Variants in DLEC1 observed in about 807,000 individuals in gnomAD.
The protein encoded by DLEC1 is deleted in lung and esophageal cancer protein 1.
A neutral mutation model predicts 198.1 loss-of-function variants in DLEC1; 146 were observed. That is an observed-to-expected ratio of 0.74 (90% CI 0.64 to 0.85). The LOEUF (loss-of-function observed/expected upper bound fraction) is 0.85. Ranked by LOEUF, DLEC1 falls within the 40% of genes least tolerant of loss-of-function variation. The pLI, the probability that DLEC1 is intolerant of heterozygous loss-of-function variation, is 0.00. For missense variants in DLEC1, 2,233 were observed against 2,220.0 expected, an observed-to-expected ratio of 1.01 and a Z score of -0.12; for synonymous variants, 897 against 866.8, an observed-to-expected ratio of 1.03 and a Z score of -0.61.
intron 2 of DLEC1, among the ~76,000 whole-genome samples, chr3:38,053,387 T>C (rs1701233476): frequency 7.2e-6 from 1 of 139,006 alleles, no homozygotes; most frequent in African/African-American, 2.8e-5. Context: ...ATGTGGGGAG[T>C]GCCTCTGCCC....
intron 2 of DLEC1, among the ~76,000 whole-genome samples, chr3:38,059,257 C>T (rs1048322279): frequency 6.6e-5 from 10 of 152,206 alleles, no homozygotes; most frequent in African/African-American, 2.4e-4. Flanking sequence ...GACAGGGAAG[C>T]TCTTGTCACA....
chr3:38,055,759 G>T (rs571507554), intron 2 of DLEC1, among the ~76,000 whole-genome samples: 1 of 152,164 alleles, frequency 6.6e-6, no homozygotes, highest in Admixed American at 6.5e-5. Flanking sequence ...GGTGACCCTG[G>T]TTATCTGGGT....
At chr3:38,052,175 C>A in intron 2 of DLEC1, 1 of 429,586 alleles carries the variant, frequency 2.3e-6, no homozygotes, top group South Asian at 2.2e-5. Context: ...AGCAGTAGGT[C>A]CTTCTTCTCA....
Position 38,120,500 on chromosome 3 carries a change from C to A in DLEC1, c.4757C>A (p.Pro1586Gln), listed in dbSNP as rs1700391766. 1.2e-6 allele frequency: 2 copies of A among 1,614,118 alleles called. No homozygotes were observed. The highest frequency in any genetic ancestry group is 2.7e-5 in the African/African-American group (2 of 74,954). ...SLELLSYQKL[P>Q]ADQTLPGVDI... is the part of the protein sequence containing the mutation. Reference sequence around the variant, plus strand: ...GAGCTGCTCTCCTATCAGAAGCTCCCAGCTGACCAGACACTGCCTGGGGTG... The same window carrying A: ...GAGCTGCTCTCCTATCAGAAGCTCCAAGCTGACCAGACACTGCCTGGGGTG... Residue 1586 changes from proline (P) to glutamine (Q), a missense_variant, in exon 34 of 37, where the codon CCA (proline) becomes CAA (glutamine). Coordinates refer to ENST00000308059, the MANE Select transcript of DLEC1 (RefSeq NM_007335.4).
intron 6 of DLEC1, among the ~76,000 whole-genome samples, chr3:38,074,203 G>A (rs147117339): frequency 2.6e-4 from 40 of 152,378 alleles, no homozygotes; most frequent in African/African-American, 8.2e-4. Flanking sequence ...TATGCTGGAG[G>A]TGTGGCTGAG....
chr3:38,054,355 G>C (rs774094793), intron 2 of DLEC1, among the ~76,000 whole-genome samples: 2 of 152,200 alleles, frequency 1.3e-5, no homozygotes, highest in Non-Finnish European at 2.9e-5. Flanking sequence ...AGGCACTGAC[G>C]TTTTTCTGGG....
chr3:38,045,725 A>G (rs989321178), intron 2 of DLEC1, 32 bp downstream of exon 2: 5 of 1,576,528 alleles, frequency 3.2e-6, no homozygotes, highest in Admixed American at 1.9e-5. Context: ...ATGCCTGCCC[A>G]ATTCCCGGGC....
chr3:38,118,242 C>T (rs989693393), intron 33 of DLEC1, among the ~76,000 whole-genome samples: 4 of 152,196 alleles, frequency 2.6e-5, no homozygotes, highest in Non-Finnish European at 4.4e-5. Context: ...CCACACCAGA[C>T]GTTGTGTTCA....
Position 38,117,063 on chromosome 3 carries a change from C to T in DLEC1, c.4268C>T (p.Thr1423Ile). 6.2e-7 allele frequency: 1 copy of T among 1,614,104 alleles called. No individual in the cohort carries two copies. Among genetic ancestry groups the T allele is most frequent in the Non-Finnish European group, 8.5e-7 (1 of 1,179,972 alleles). ...GAGATCCTGCACAAGGTGGAGTGTACTGGCTACGCCCTGGGTTTCATGAGC... is the reference window on the plus strand; with the variant it reads ...GAGATCCTGCACAAGGTGGAGTGTATTGGCTACGCCCTGGGTTTCATGAGC... ...SPEILHKVEC[T>I]GYALGFMSLD... The change falls in exon 30 of 37, where the codon ACT (threonine) becomes ATT (isoleucine). Residue 1423 changes from threonine (T) to isoleucine (I), a missense_variant. Coordinates refer to ENST00000308059, the MANE Select transcript of DLEC1 (RefSeq NM_007335.4).
chr3:38,117,893 C>A lies in DLEC1; in HGVS notation c.4573C>A (p.Pro1525Thr), dbSNP rs1300555082. Residue 1525 changes from proline (P) to threonine (T), a missense_variant, in exon 33 of 37, where the codon CCC (proline) becomes ACC (threonine). Transcript: ENST00000308059. Reference protein sequence around the residue: ...PHYFRLMVSRPFSVSQDGASQ... With the variant: ...PHYFRLMVSRTFSVSQDGASQ... Reference sequence around the variant, plus strand: ...CTACTTCCGGCTTATGGTCTCCAGGCCCTTCTCCGTTTCTCAAGATGGGGC... The same window carrying A: ...CTACTTCCGGCTTATGGTCTCCAGGACCTTCTCCGTTTCTCAAGATGGGGC... The A allele has an allele frequency of 6.2e-7, 1 of 1,614,176 alleles. No individual in the cohort carries two copies. The highest frequency in any genetic ancestry group is 1.7e-5 in the Admixed American group (1 of 60,026).
chr3:38,066,866 T>C (rs563930419), intron 6 of DLEC1, among the ~76,000 whole-genome samples: 1 of 152,364 alleles, frequency 6.6e-6, no homozygotes, highest in South Asian at 2.1e-4. Context: ...CAGTAATGTG[T>C]TGTCTTTTGT....
chr3:38,122,779 A>C lies in DLEC1; in HGVS notation c.*367A>C. 8.7e-7 allele frequency: 1 copy of C among 1,153,940 alleles called. No homozygotes were observed. Among genetic ancestry groups the C allele is most frequent in the Non-Finnish European group, 1.2e-6 (1 of 851,106 alleles). The allele number at this position is 1,153,940 out of a possible 1,614,324, so 71.5% of individuals were successfully genotyped here. ...TCCATGGATTTGCCTTGCCTTAAGAATTAACCATGGCCTTGTGGCCTGGGT... is the reference window on the plus strand; with the variant it reads ...TCCATGGATTTGCCTTGCCTTAAGACTTAACCATGGCCTTGTGGCCTGGGT... On this transcript the variant is annotated 3_prime_UTR_variant, in exon 37 of 37. Coordinates refer to ENST00000308059, the MANE Select transcript of DLEC1 (RefSeq NM_007335.4).
chr3:38,098,866 A>G (rs1302284232), intron 18 of DLEC1, among the ~76,000 whole-genome samples: 1 of 152,142 alleles, frequency 6.6e-6, no homozygotes, highest in East Asian at 1.9e-4. Flanking sequence ...GTGTGCATCA[A>G]ATTGCCAACG....
At chr3:38,073,131 A>G (rs1373821969) in intron 6 of DLEC1, among the ~76,000 whole-genome samples, 1 of 152,212 alleles carries the variant, frequency 6.6e-6, no homozygotes, top group Admixed American at 6.5e-5. Flanking sequence ...GTGCAGGGGA[A>G]TAGTGAAAAA....
intron 21 of DLEC1, 46 bp downstream of exon 21, chr3:38,108,561 C>A: frequency 6.7e-7 from 1 of 1,489,318 alleles, no homozygotes; most frequent in Non-Finnish European, 9.3e-7. Flanking sequence ...AGGCACCCTG[C>A]CAACCATACG....
intron 19 of DLEC1, among the ~76,000 whole-genome samples, chr3:38,104,794 C>T (rs1484421265): frequency 6.6e-6 from 1 of 152,036 alleles, no homozygotes; most frequent in African/African-American, 2.4e-5. Context: ...TTTCATTTAT[C>T]TCTGCTTTCT....
chr3:38,092,013 A>G (rs775458164), intron 10 of DLEC1, among the ~76,000 whole-genome samples: 3 of 152,244 alleles, frequency 2.0e-5, no homozygotes, highest in Non-Finnish European at 4.4e-5. Context: ...ATATATACAA[A>G]TGAAATCTGG....
intron 1 of DLEC1, among the ~76,000 whole-genome samples, chr3:38,042,143 C>T (rs1195511171): frequency 6.6e-6 from 1 of 151,952 alleles, no homozygotes; most frequent in African/African-American, 2.4e-5. Context: ...CAGACATGCA[C>T]CACCATGCCT....
chr3:38,115,911 G>A (rs1253608562), intron 27 of DLEC1, among the ~76,000 whole-genome samples: 2 of 152,026 alleles, frequency 1.3e-5, no homozygotes, highest in African/African-American at 4.8e-5. Flanking sequence ...CTGTTCAGCT[G>A]GGGGACTTCC....
Sources: allele counts gnomAD v4.1 joint callset (sites outside exome capture counted in the v4.1 genomes callset), GRCh38; gene constraint gnomAD v4.1.1; transcripts MANE v1.5; gene names NCBI Gene and HGNC (gene_info 2026-07-23, HGNC 2026-07-21).